The following LGR6 variants were observed in gnomAD, a reference collection of about 807,000 sequenced individuals.
LGR6 encodes the protein leucine rich repeat containing G protein-coupled receptor 6, also known as leucine-rich repeat-containing G protein-coupled receptor 6.
Under a neutral mutation model 69.4 loss-of-function variants are expected in LGR6, and 45 were observed. The ratio of observed to expected loss-of-function variants is 0.65; its 90% CI spans 0.51 to 0.83. The LOEUF is 0.83. Ranked by LOEUF, LGR6 falls within the 40% of genes least tolerant of loss-of-function variation. LGR6 has a pLI of 0.00. For synonymous variants in LGR6, 538 were observed against 555.0 expected (o/e 0.97, Z 0.43); for missense variants, 1,108 against 1,246.7 (o/e 0.89, Z 1.68).
At chr1:202,204,660 AAC>A (rs1558003919) in intron 1 of LGR6, among the ~76,000 whole-genome samples, 4 of 3,394 alleles carry the variant, frequency 1.2e-3, no homozygotes, top group African/African-American at 1.6e-3. Context: ...CACACCTCCA[AAC>A]ACACACACGC....
At chr1:202,240,073 G>C (rs1172878523) in intron 4 of LGR6, among the ~76,000 whole-genome samples, 1 of 151,998 alleles carries the variant, frequency 6.6e-6, no homozygotes, top group African/African-American at 2.4e-5. Context: ...CGTGGTAAGA[G>C]CTTATTAAGA....
At chr1:202,228,793 C>T (rs1401659415) in intron 3 of LGR6, among the ~76,000 whole-genome samples, 7 of 152,096 alleles carry the variant, frequency 4.6e-5, no homozygotes, top group Non-Finnish European at 8.8e-5. Context: ...AGGGAGGTCG[C>T]GTTGCCACAG....
At chr1:202,245,003 G>T (rs1246719618) in intron 4 of LGR6, among the ~76,000 whole-genome samples, 1 of 152,182 alleles carries the variant, frequency 6.6e-6, no homozygotes, top group East Asian at 1.9e-4. Flanking sequence ...CTAAGGCCTT[G>T]TCCTGAAGGT....
At chr1:202,309,018 A>T in intron 14 of LGR6, 33 bp from the exon 15 acceptor site, 1 of 1,612,056 alleles carries the variant, frequency 6.2e-7, no homozygotes, top group Non-Finnish European at 8.5e-7. Flanking sequence ...AATCCCACTG[A>T]CTGCCAATAA....
intron 4 of LGR6, among the ~76,000 whole-genome samples, chr1:202,272,026 CTACATCTGTGTGATGGCAAAGCCCA>C (rs1279761036): frequency 3.3e-5 from 5 of 152,048 alleles, no homozygotes; most frequent in Admixed American, 1.3e-4. Flanking sequence ...GTATTTGTGG[CTACATCTGTGTGATGGCAAAGCCCA>C]CACCTTCCAC....
intron 3 of LGR6, 45 bp downstream of exon 3, chr1:202,228,052 G>A: frequency 7.2e-7 from 1 of 1,392,936 alleles, no homozygotes; most frequent in African/African-American, 1.4e-5. Context: ...GCAGCACTGA[G>A]AATGGTGAGC....
At chr1:202,317,291 A>G (rs529301361) in intron 17 of LGR6, among the ~76,000 whole-genome samples, 3 of 150,230 alleles carry the variant, frequency 2.0e-5, no homozygotes, top group African/African-American at 7.3e-5. Context: ...CATTTCCTCA[A>G]TATCTGGGTT....
chr1:202,221,664 G>T (rs1433480850), intron 1 of LGR6, among the ~76,000 whole-genome samples: 1 of 152,038 alleles, frequency 6.6e-6, no homozygotes, highest in Admixed American at 6.6e-5. Flanking sequence ...ATAAACACAT[G>T]TGCCCTCACA....
chr1:202,257,697 A>C (rs1325501289), intron 4 of LGR6, among the ~76,000 whole-genome samples: 1 of 152,160 alleles, frequency 6.6e-6, no homozygotes, highest in Non-Finnish European at 1.5e-5. Context: ...CTTACCATAT[A>C]GGGCTATATG....
Position 202,317,973 on chromosome 1 carries a change from A to C in LGR6, c.1670A>C (p.Tyr557Ser). The C allele has an allele frequency of 6.2e-7, 1 of 1,612,564 alleles. No individual in the cohort carries two copies. Among genetic ancestry groups the C allele is most frequent in the Non-Finnish European group, 8.5e-7 (1 of 1,179,170 alleles). ...ACAGGCCCCTTCAAGCCCTGTGAGT[A>C]CCTCTTTGAAAGCTGGGGCATCCGC... ...PTPGPFKPCE[Y>S]LFESWGIRLA... The change falls in exon 18 of 18, where the codon TAC (tyrosine) becomes TCC (serine). Residue 557 changes from tyrosine to serine, a missense_variant. By Grantham distance (144) the Tyr-to-Ser change is moderately radical. Transcript: ENST00000367278.
At chr1:202,302,688 A>G (rs1667691457) in intron 9 of LGR6, among the ~76,000 whole-genome samples, 1 of 152,032 alleles carries the variant, frequency 6.6e-6, no homozygotes, top group Non-Finnish European at 1.5e-5. Flanking sequence ...CTGAGATTAC[A>G]GGCGCCCGCC....
intron 4 of LGR6, 126 bp downstream of exon 4, chr1:202,236,119 C>G: frequency 1.4e-6 from 1 of 714,214 alleles, no homozygotes; most frequent in South Asian, 1.6e-5. Flanking sequence ...ACGTTCCAGA[C>G]AGCATGCCGC....
intron 10 of LGR6, 36 bp downstream of exon 10, chr1:202,303,383 C>G (rs377644347): frequency 6.5e-7 from 1 of 1,538,882 alleles, no homozygotes; most frequent in Non-Finnish European, 9.0e-7. Flanking sequence ...TATCTATCGC[C>G]CCAGCTTCAT....
rs368179044 is a variant in LGR6 at position 202,318,688 on chromosome 1, C to T, written c.2385C>T (p.Ala795=). 1 of 1,613,570 alleles carries T rather than the reference C, an allele frequency of 6.2e-7. No individual in the cohort carries two copies. Among genetic ancestry groups the T allele is most frequent in the African/African-American group, 1.3e-5 (1 of 74,938 alleles). Reference sequence around the variant, plus strand: ...GTCCCGTGGCCTTCCTCAGCTTTGCCTCCATGCTGGGCCTCTTCCCTGTCA... The same window carrying T: ...GTCCCGTGGCCTTCCTCAGCTTTGCTTCCATGCTGGGCCTCTTCCCTGTCA... ...LYCPVAFLSF[A]SMLGLFPVTP... The change falls in exon 18 of 18, where the codon GCC becomes GCT. Residue 795 remains alanine, a synonymous_variant. Coordinates refer to ENST00000367278, the MANE Select transcript of LGR6 (RefSeq NM_001017403.2).
chr1:202,273,985 C>G (rs577283642), intron 4 of LGR6, among the ~76,000 whole-genome samples: 1 of 152,262 alleles, frequency 6.6e-6, no homozygotes. Context: ...AAATCTGGGA[C>G]TAAGATGCTG....
intron 4 of LGR6, among the ~76,000 whole-genome samples, chr1:202,238,927 C>G (rs1253968663): frequency 6.6e-6 from 1 of 152,166 alleles, no homozygotes; most frequent in Non-Finnish European, 1.5e-5. Context: ...ACAGCTAACA[C>G]GAAGCGGTGC....
At chr1:202,246,897 A>G (rs1345624494) in intron 4 of LGR6, among the ~76,000 whole-genome samples, 1 of 152,110 alleles carries the variant, frequency 6.6e-6, no homozygotes, top group Non-Finnish European at 1.5e-5. Context: ...TCCTTTTTTT[A>G]CAGATGAGGA....
At chr1:202,258,781 A>G (rs549965775) in intron 4 of LGR6, among the ~76,000 whole-genome samples, 3 of 152,048 alleles carry the variant, frequency 2.0e-5, no homozygotes, top group Non-Finnish European at 4.4e-5. Flanking sequence ...AGTAATAATT[A>G]TACCTCTTAT....
intron 1 of LGR6, among the ~76,000 whole-genome samples, chr1:202,219,861 T>TTTTA (rs1044086652): frequency 2.0e-5 from 3 of 152,038 alleles, no homozygotes; most frequent in South Asian, 2.1e-4. Flanking sequence ...GAGCACTGGG[T>TTTTA]TTTATTTATT....
Sources: gnomAD v4.1 joint callset for allele counts (sites outside exome capture counted in the v4.1 genomes callset) on GRCh38, gnomAD v4.1.1 for gene constraint, MANE v1.5 for transcripts, NCBI Gene and HGNC (gene_info 2026-07-23, HGNC 2026-07-21) for gene names.